The following ABTB2 variants were observed in gnomAD, a reference collection of about 807,000 sequenced individuals.
ABTB2 encodes the protein ankyrin repeat and BTB domain containing 2.
Under a neutral mutation model 104.1 loss-of-function variants are expected in ABTB2, and 56 were observed. The observed-to-expected ratio is 0.54, with a 90% CI of 0.43 to 0.67. The LOEUF (loss-of-function observed/expected upper bound fraction) is 0.67. Ranked by LOEUF, ABTB2 falls within the 30% of genes least tolerant of loss-of-function variation. The probability of loss-of-function intolerance (pLI) is 0.00; values close to 1 mark genes in which losing one functional copy is unlikely to be tolerated. For missense variants in ABTB2, 1,279 were observed against 1,407.7 expected (o/e 0.91, Z 1.46); for synonymous variants, 606 against 608.2 (o/e 1.00, Z 0.05).
intron 1 of ABTB2, among the ~76,000 whole-genome samples, chr11:34,215,452 G>C (rs1473300820): frequency 6.6e-6 from 1 of 152,208 alleles, no homozygotes; most frequent in South Asian, 2.1e-4. Flanking sequence ...ATATTCATCA[G>C]AGAATATTCA....
chr11:34,299,918 C>T lies in ABTB2; in HGVS notation c.883+56783G>A, dbSNP rs772081217. ...CCTCTTTGTGCTCCAGTTTCATCTC[C>T]GTAAAATGGGAATAACACTGCTGCC... is the stretch of plus-strand genomic sequence containing the variant. On this transcript the variant is annotated intron_variant, in intron 1 of 16. Transcript: ENST00000435224. Among the ~76,000 whole-genome samples the T allele has an allele frequency of 4.5e-4, 68 of 152,154 alleles. 1 individual carries two copies. The highest frequency in any genetic ancestry group is 9.8e-4 in the Admixed American group (15 of 15,272).
rs1853275496 is a variant in ABTB2 at position 34,197,482 on chromosome 11, C to G, written c.1087G>C (p.Gly363Arg). The stretch of plus-strand genomic sequence containing the variant: ...CGGGCCTGGCGGGCAGGGCTGGCAC[C>G]CGGGCACAGGGGGTGACGCCCCTGC... ...HMQGRHPLCP[G>R]ASPARQARQP... The change falls in exon 3 of 17, where the codon GGT becomes CGT. Residue 363 changes from glycine (G) to arginine (R), a missense_variant. Coordinates refer to ENST00000435224, the MANE Select transcript of ABTB2 (RefSeq NM_145804.3). 6.3e-7 allele frequency: 1 copy of G among 1,582,444 alleles called. No individual in the cohort carries two copies. Among genetic ancestry groups the G allele is most frequent in the Non-Finnish European group, 8.6e-7 (1 of 1,166,060 alleles).
At chr11:34,272,179 T>C (rs938972938) in intron 1 of ABTB2, among the ~76,000 whole-genome samples, 2 of 151,484 alleles carry the variant, frequency 1.3e-5, no homozygotes, top group African/African-American at 4.9e-5. Context: ...GTAAATAAAA[T>C]AATAAATGTT....
At chr11:34,160,842 G>C in intron 11 of ABTB2, 61 bp downstream of exon 11, 1 of 1,522,704 alleles carries the variant, frequency 6.6e-7, no homozygotes, top group East Asian at 2.3e-5. Context: ...GTGTCCATCT[G>C]TGTGTCCCGT....
At chr11:34,280,477 G>A (rs145627899) in intron 1 of ABTB2, among the ~76,000 whole-genome samples, 5 of 152,174 alleles carry the variant, frequency 3.3e-5, no homozygotes, top group African/African-American at 9.6e-5. Context: ...AACTGCCCTG[G>A]AGCCCCTCTT....
chr11:34,159,027 C>A (rs1475981567), intron 14 of ABTB2, among the ~76,000 whole-genome samples: 2 of 152,350 alleles, frequency 1.3e-5, no homozygotes, highest in East Asian at 3.9e-4. Flanking sequence ...TGGCTTGTAT[C>A]TGTCCTTGCA....
intron 1 of ABTB2, among the ~76,000 whole-genome samples, chr11:34,263,325 G>C (rs117907997): frequency 0.01 from 1,549 of 152,202 alleles, 12 homozygotes; most frequent in Middle Eastern, 0.017. Context: ...ATTAACAAAG[G>C]CTCTGTGGGG....
chr11:34,219,989 G>A (rs1413343187), intron 1 of ABTB2, among the ~76,000 whole-genome samples: 1 of 152,150 alleles, frequency 6.6e-6, no homozygotes, highest in Non-Finnish European at 1.5e-5. Flanking sequence ...AACTCCAAAG[G>A]GATTTTACAG....
chr11:34,331,866 C>T (rs1203627100), intron 1 of ABTB2, among the ~76,000 whole-genome samples: 2 of 152,182 alleles, frequency 1.3e-5, no homozygotes, highest in African/African-American at 4.8e-5. Flanking sequence ...TCAGTAAAAG[C>T]CAAACCTCAT....
At chr11:34,261,909 C>G (rs900214255) in intron 1 of ABTB2, among the ~76,000 whole-genome samples, 2 of 152,194 alleles carry the variant, frequency 1.3e-5, no homozygotes, top group Non-Finnish European at 2.9e-5. Context: ...ACAGCTGCAG[C>G]TTGTGGCTGC....
At chr11:34,253,665 G>A (rs1267763824) in intron 1 of ABTB2, among the ~76,000 whole-genome samples, 1 of 146,044 alleles carries the variant, frequency 6.8e-6, no homozygotes, top group African/African-American at 2.6e-5. Flanking sequence ...AATAGAGCGA[G>A]ATTCCGTCTC....
rs2133134139 is a variant in ABTB2 at position 34,357,950 on chromosome 11, G to C, written c.-367C>G. The C allele has an allele frequency of 4.6e-6, 1 of 219,240 alleles. No homozygotes were observed. Among genetic ancestry groups the C allele is most frequent in the African/African-American group, 2.3e-5 (1 of 43,844 alleles). The allele number at this position is 219,240 out of a possible 1,614,324, so 13.6% of individuals were successfully genotyped here. ...GCAGAAGGAGGAGGCGGCGGCGCAG[G>C]GCGCAGGGCGCAGCGCGAGTCCGGG... On this transcript the variant is annotated 5_prime_UTR_variant, in exon 1 of 17. Transcript: ENST00000435224.
In ABTB2 at chr11:34,154,325, C is replaced by A; in HGVS notation, c.2820G>T (p.Glu940Asp). ...FQLDALQRHC[E>D]ILCSQTLSME... ...TGCTGAGGGTCTGGGAGCACAGGAT[C>A]TCGCAGTGCCTCTGCAGGGCATCCA... The change falls in exon 16 of 17, where the codon GAG (glutamate) becomes GAT (aspartate). Residue 940 changes from glutamate to aspartate, a missense_variant. Physicochemically the swap from Glu to Asp is conservative, Grantham distance 45. Transcript: ENST00000435224. The surrounding 1 kb of genome is among the most constrained non-coding windows in gnomAD (Gnocchi z 4.9). The A allele has an allele frequency of 6.2e-7, 1 of 1,614,046 alleles. No individual in the cohort carries two copies. Among genetic ancestry groups the A allele is most frequent in the Non-Finnish European group, 8.5e-7 (1 of 1,179,976 alleles).
intron 1 of ABTB2, among the ~76,000 whole-genome samples, chr11:34,262,347 C>T (rs941221966): frequency 1.7e-4 from 26 of 152,118 alleles, no homozygotes; most frequent in Non-Finnish European, 3.5e-4. Flanking sequence ...CCCCTGCAGA[C>T]GAGGAAACCT....
In ABTB2 at chr11:34,312,614, T is replaced by C. The variant is rs144351205; in HGVS notation, c.883+44087A>G. ...TATCCAGGGTCAGATTGGTTTGCAA[T>C]CCTCAGAGTTCCCATTTGTTCTTTC... On this transcript the variant is annotated intron_variant, in intron 1 of 16. Transcript: ENST00000435224. Among the ~76,000 whole-genome samples the C allele has an allele frequency of 1.8e-3, 271 of 152,326 alleles. 1 individual carries two copies. Among genetic ancestry groups the C allele is most frequent in the African/African-American group, 6.2e-3 (258 of 41,570 alleles).
At chr11:34,343,035 T>C (rs1250828088) in intron 1 of ABTB2, among the ~76,000 whole-genome samples, 1 of 152,100 alleles carries the variant, frequency 6.6e-6, no homozygotes, top group East Asian at 1.9e-4. Context: ...AGTGGTGCGA[T>C]CTTGGCTCAC....
intron 3 of ABTB2, among the ~76,000 whole-genome samples, chr11:34,188,149 C>T (rs2133029771): frequency 6.6e-6 from 1 of 152,354 alleles, no homozygotes; most frequent in East Asian, 1.9e-4. Context: ...CTTGGCAAAT[C>T]ACGTAACTTG....
chr11:34,189,610 A>C (rs1853147005), intron 3 of ABTB2, among the ~76,000 whole-genome samples: 1 of 152,118 alleles, frequency 6.6e-6, no homozygotes, highest in Non-Finnish European at 1.5e-5. Context: ...CAACAACAAC[A>C]ACCACTCAAC....
In ABTB2 at chr11:34,154,857, C is replaced by T. The variant is rs907012757; in HGVS notation, c.2698-88G>A. On this transcript the variant is annotated intron_variant, in intron 14 of 16. Coordinates refer to ENST00000435224, the MANE Select transcript of ABTB2 (RefSeq NM_145804.3). This position sits in a 1 kb window ranked among gnomAD's most constrained non-coding sequence, Gnocchi z 4.9. ...CCCCACAGGGTACTGCTCCAGCTGC[C>T]GCCTCCAGGGGCCTGTCCCTCTGCA... The T allele has an allele frequency of 1.1e-5, 15 of 1,340,428 alleles. No homozygotes were observed. Among genetic ancestry groups the T allele is most frequent in the South Asian group, 3.8e-5 (3 of 79,760 alleles). The allele number at this position is 1,340,428 out of a possible 1,614,324, so 83.0% of individuals were successfully genotyped here. A position where few individuals can be genotyped will look rare whatever the true frequency, so the allele number is the denominator to read the frequency against.
Sources: allele counts gnomAD v4.1 joint callset (sites outside exome capture counted in the v4.1 genomes callset), GRCh38; gene constraint gnomAD v4.1.1; non-coding constraint Gnocchi (gnomAD v3.1); transcripts MANE v1.5; gene names NCBI Gene and HGNC (gene_info 2026-07-23, HGNC 2026-07-21).